STARD9: variants seen among roughly 807,000 people sequenced by gnomAD.
STARD9 encodes the protein StAR related lipid transfer domain containing 9.
A neutral mutation model predicts 399.8 loss-of-function variants in STARD9; 346 were observed. The ratio of observed to expected loss-of-function variants is 0.87; its 90% CI spans 0.79 to 0.95. STARD9 has a LOEUF of 0.95. Among genes scored for constraint, STARD9 ranks in the 40% least tolerant of loss-of-function variants. The pLI is 0.00. For missense variants in STARD9, 5,832 were observed against 5,667.5 expected (o/e 1.03, Z -0.93); for synonymous variants, 2,203 against 2,143.5 (o/e 1.03, Z -0.77).
Position 42,637,905 on chromosome 15 carries a change from A to G in STARD9, c.352-2A>G. On this transcript the variant is annotated splice_acceptor_variant, in intron 4 of 32. Coordinates refer to ENST00000290607, the MANE Select transcript of STARD9 (RefSeq NM_020759.3). LOFTEE classifies it high-confidence loss of function. The stretch of plus-strand genomic sequence containing the variant: ...AATGCTTTCCTTTCTTCTGTTCACC[A>G]GGCCTCTGTTGGGTTGACACCACGG... 1 of 1,537,222 alleles carries G rather than the reference A, an allele frequency of 6.5e-7. No individual in the cohort carries two copies. Among genetic ancestry groups the G allele is most frequent in the Non-Finnish European group, 8.7e-7 (1 of 1,146,884 alleles).
chr15:42,719,377 C>A, intron 32 of STARD9, 96 bp from the exon 33 acceptor site: 1 of 761,048 alleles, frequency 1.3e-6, no homozygotes, highest in South Asian at 1.7e-5. Context: ...GTGCTTCTCC[C>A]ATCACCACAG....
At chr15:42,637,680 T>C (rs2059444609) in intron 4 of STARD9, among the ~76,000 whole-genome samples, 1 of 152,200 alleles carries the variant, frequency 6.6e-6, no homozygotes, top group South Asian at 2.1e-4. Context: ...TTCCTTCTTA[T>C]GGTGATACAT....
rs2060717775 is a variant in STARD9, at chr15:42,691,949, A to G, written c.10371A>G (p.Gly3457=). 1 of 1,537,138 alleles carries G rather than the reference A, an allele frequency of 6.5e-7. No individual in the cohort carries two copies. Among genetic ancestry groups the G allele is most frequent in the Admixed American group, 2.0e-5 (1 of 50,984 alleles). ...ATTGGTGCTCTCAGATGGACAAAGG[A>G]ATGCTGCACTTTGGCTCCAGTGACA... The part of the protein sequence containing the change: ...PENWCSQMDK[G]MLHFGSSDIS... Residue 3457 remains glycine (G), a synonymous_variant, in exon 23 of 33, where the codon GGA becomes GGG. Transcript: ENST00000290607.
intron 16 of STARD9, chr15:42,670,522 AT>A (rs898663032): frequency 1.3e-5 from 2 of 152,228 alleles, no homozygotes; most frequent in African/African-American, 4.8e-5. Context: ...CGTACTTCCC[AT>A]GCTCAAAATC....
chr15:42,702,520 T>C (rs1458180871), intron 26 of STARD9, among the ~76,000 whole-genome samples: 1 of 152,162 alleles, frequency 6.6e-6, no homozygotes, highest in Non-Finnish European at 1.5e-5. Flanking sequence ...TTATTTTTAA[T>C]AGTTTTGTCT....
Position 42,720,628 on chromosome 15 carries a change from T to C in STARD9, c.*1054T>C, listed in dbSNP as rs889117473. The C allele has an allele frequency of 1.3e-5, 2 of 152,188 alleles. No homozygotes were observed. The highest frequency in any genetic ancestry group is 2.9e-5 in the Non-Finnish European group (2 of 68,014). The allele number at this position is 152,188 out of a possible 1,614,324, so 9.4% of individuals were successfully genotyped here. Reference sequence around the variant, plus strand: ...CCTGGCTGAACATGAACTTTGTGTTTACCTGGAAGTGGTAGGGGTGGGAGA... The same window carrying C: ...CCTGGCTGAACATGAACTTTGTGTTCACCTGGAAGTGGTAGGGGTGGGAGA... On this transcript the variant is annotated 3_prime_UTR_variant, in exon 33 of 33. Coordinates refer to ENST00000290607, the MANE Select transcript of STARD9 (RefSeq NM_020759.3).
At chr15:42,700,564 C>T (rs1216767597) in intron 26 of STARD9, among the ~76,000 whole-genome samples, 2 of 152,094 alleles carry the variant, frequency 1.3e-5, no homozygotes, top group Admixed American at 6.5e-5. Flanking sequence ...ACCTGTTGGC[C>T]ATTTGAATGT....
In STARD9 at chr15:42,607,412, A is replaced by G. The variant is rs903255013; in HGVS notation, c.234+21775A>G. 9.9e-5 allele frequency among the ~76,000 whole-genome samples: 15 copies of G among 151,832 alleles called. 1 individual carries two copies. Among genetic ancestry groups the G allele is most frequent in the Admixed American group, 9.2e-4 (14 of 15,224 alleles). ...GAGATGGGGTTTCACCATGTTGGCC[A>G]GGCTGGTCTCAAACTCCTGACCTCA... On this transcript the variant is annotated intron_variant, in intron 3 of 32. Transcript: ENST00000290607.
rs141452327 is a variant in STARD9 at position 42,622,350 on chromosome 15, C to CCTCT, written c.235-12491_235-12488dup. 4.9e-4 allele frequency among the ~76,000 whole-genome samples: 73 copies of CCTCT among 149,074 alleles called. 1 individual carries two copies. The highest frequency in any genetic ancestry group is 2.5e-3 in the South Asian group (12 of 4,718). On this transcript the variant is annotated intron_variant, in intron 3 of 32. Coordinates refer to ENST00000290607, the MANE Select transcript of STARD9 (RefSeq NM_020759.3). ...TCACCTGTAGCTCGCTCTCTCTCTC[C>CCTCT]CTCTCTCTCTCTCTCTCTGTCTCTC...
intron 3 of STARD9, chr15:42,630,043 G>T (rs1344752596): frequency 1.6e-5 from 2 of 128,586 alleles, no homozygotes; most frequent in Admixed American, 9.6e-5. Flanking sequence ...TCACTCTGTC[G>T]CCCAGGCTGG....
chr15:42,688,703 A>T lies in STARD9; in HGVS notation c.7125A>T (p.Val2375=). Residue 2375 remains valine (V), a synonymous_variant, in exon 23 of 33, where the codon GTA becomes GTT. Coordinates refer to ENST00000290607, the MANE Select transcript of STARD9 (RefSeq NM_020759.3). ...TGAAAATTCATAACAGTCCCTTGGT[A>T]ACTGGAGTAGAGCATCAGGACCAGA... ...TMLKIHNSPL[V]TGVEHQDQST... The T allele has an allele frequency of 6.5e-7, 1 of 1,537,742 alleles. No homozygotes were observed. The highest frequency in any genetic ancestry group is 1.2e-5 in the South Asian group (1 of 84,054).
chr15:42,712,081 T>TATATATATATATATATA (rs57090140), intron 26 of STARD9, among the ~76,000 whole-genome samples: 1 of 39,130 alleles, frequency 2.6e-5, no homozygotes, highest in East Asian at 5.4e-4. Flanking sequence ...TATATATATA[T>TATATATATATATATATA]TATATATATA....
At chr15:42,645,374 C>A (rs964423481) in intron 7 of STARD9, among the ~76,000 whole-genome samples, 2 of 152,192 alleles carry the variant, frequency 1.3e-5, no homozygotes, top group African/African-American at 4.8e-5. Context: ...TTGTACGTCT[C>A]CATCAGAGCC....
chr15:42,706,729 C>T (rs1044553381), intron 26 of STARD9, among the ~76,000 whole-genome samples: 1 of 152,116 alleles, frequency 6.6e-6, no homozygotes, highest in African/African-American at 2.4e-5. Flanking sequence ...AGATTACAGG[C>T]GTGAGCCACC....
rs754511939 is a variant in STARD9, at chr15:42,689,004, G to A, written c.7426G>A (p.Val2476Ile). ...AEVAVQKEIR[V>I]SSLNKVSSQP... ...GGTGGCTGTACAAAAAGAAATAAGAGTCAGTTCACTGAACAAGGTCTCTAG... is the reference window on the plus strand; with the variant it reads ...GGTGGCTGTACAAAAAGAAATAAGAATCAGTTCACTGAACAAGGTCTCTAG... Residue 2476 changes from valine (V) to isoleucine (I), a missense_variant, in exon 23 of 33, where the codon GTC becomes ATC. Physicochemically the swap from Val to Ile is conservative, Grantham distance 29. Transcript: ENST00000290607. The A allele has an allele frequency of 2.3e-5, 36 of 1,537,220 alleles. No homozygotes were observed. The South Asian group carries it at 4.3e-4, about 18-fold the overall frequency.
intron 3 of STARD9, among the ~76,000 whole-genome samples, chr15:42,626,366 TTCTTCCTCCTCTTCCTCC>T (rs1339265907): frequency 6.9e-6 from 1 of 144,124 alleles, no homozygotes; most frequent in Admixed American, 6.7e-5. Flanking sequence ...CCTCTTCCTC[TTCTTCCTCCTCTTCCTCC>T]TCTTCCTCTT....
At position 42,687,508 on chromosome 15, in the gene STARD9, A is replaced by C. The variant is rs1297844187; in HGVS notation, c.5930A>C (p.Glu1977Ala). The change falls in exon 23 of 33, where the codon GAA becomes GCA. Residue 1977 changes from glutamate (E) to alanine (A), a missense_variant. Transcript: ENST00000290607. ...ACCCCTAAGTGGGAAGGGAAAAATG[A>C]AACTGGGCTTCTTGAAAAAGGTCTT... Reference protein sequence around the residue: ...GPTPKWEGKNETGLLEKGLRP... With the variant: ...GPTPKWEGKNATGLLEKGLRP... The C allele has an allele frequency of 1.3e-6, 2 of 1,537,142 alleles. No homozygotes were observed. The highest frequency in any genetic ancestry group is 3.9e-5 in the Admixed American group (2 of 51,000).
At chr15:42,582,955 G>A (rs1158095278) in intron 1 of STARD9, among the ~76,000 whole-genome samples, 2 of 152,236 alleles carry the variant, frequency 1.3e-5, no homozygotes, top group Non-Finnish European at 2.9e-5. Flanking sequence ...CTCTGCCACT[G>A]ATAGCTGTGT....
rs2058399054 is a variant in STARD9, at chr15:42,591,749, A to T, written c.234+6112A>T. On this transcript the variant is annotated intron_variant, in intron 3 of 32. Transcript: ENST00000290607. ...CTGGTCCTTAGTGGTGAAATGCCTGAGTAAATAGATCAGTTGTCACCAACT... is the reference window on the plus strand; with the variant it reads ...CTGGTCCTTAGTGGTGAAATGCCTGTGTAAATAGATCAGTTGTCACCAACT... 2.0e-5 allele frequency among the ~76,000 whole-genome samples: 3 copies of T among 152,352 alleles called. No individual in the cohort carries two copies. In the South Asian group the frequency reaches 6.2e-4, roughly 32 times the overall value.
Sources: allele counts gnomAD v4.1 joint callset (sites outside exome capture counted in the v4.1 genomes callset), GRCh38; gene constraint gnomAD v4.1.1; transcripts MANE v1.5; gene names NCBI Gene and HGNC (gene_info 2026-07-23, HGNC 2026-07-21).